The following TMDD1 variants were observed in gnomAD, a reference collection of about 807,000 sequenced individuals.
The protein encoded by TMDD1 is transmembrane and death domain protein 1.
In TMDD1 at chr12:51,814,061, C is replaced by T. The variant is rs1009409423; in HGVS notation, c.833G>A (p.Arg278His). The T allele has an allele frequency of 2.5e-6, 1 of 399,188 alleles. No homozygotes were observed. The highest frequency in any genetic ancestry group is 4.4e-6 in the Non-Finnish European group (1 of 226,714). The allele number at this position is 399,188 out of a possible 1,614,324, so 24.7% of individuals were successfully genotyped here. ...ETKLLLPKER[R>H]APPGAWAADG... ...TGCAGCCCAGGCCCCCGGGGGCGCGCGCCGCTCTTTAGGAAGGAGCAGCTT... is the reference window on the plus strand; with the variant it reads ...TGCAGCCCAGGCCCCCGGGGGCGCGTGCCGCTCTTTAGGAAGGAGCAGCTT... Residue 278 changes from arginine (R) to histidine (H), a missense_variant, in exon 1 of 1, where the codon CGC becomes CAC. By Grantham distance (29) the Arg-to-His change is conservative. Coordinates refer to ENST00000642069, the MANE Select transcript of TMDD1 (RefSeq NM_001386737.1).
Position 51,814,235 on chromosome 12 carries a change from G to T in TMDD1, c.659C>A (p.Ala220Glu). 1 of 396,394 alleles carries T rather than the reference G, an allele frequency of 2.5e-6. No individual in the cohort carries two copies. The highest frequency in any genetic ancestry group is 4.5e-6 in the Non-Finnish European group (1 of 224,656). 24.6% of individuals were successfully genotyped at this position (396,394 alleles called of 1,614,324 possible). ...RSPMGWAGPL[A>E]LGLLTGFVGA... Reference sequence around the variant, plus strand: ...CACGAAGCCGGTGAGGAGGCCGAGCGCCAGCGGCCCCGCCCAACCCATGGG... The same window carrying T: ...CACGAAGCCGGTGAGGAGGCCGAGCTCCAGCGGCCCCGCCCAACCCATGGG... Residue 220 changes from alanine (A) to glutamate (E), a missense_variant, in exon 1 of 1, where the codon GCG becomes GAG. Physicochemically the swap from Ala to Glu is moderately radical, Grantham distance 107. Coordinates refer to ENST00000642069, the MANE Select transcript of TMDD1 (RefSeq NM_001386737.1).
rs2138960579 is a variant in TMDD1, at chr12:51,814,706, A to G, written c.188T>C (p.Leu63Ser). 2.5e-6 allele frequency: 1 copy of G among 398,154 alleles called. No individual in the cohort carries two copies. The highest frequency in any genetic ancestry group is 3.6e-5 in the East Asian group (1 of 28,042). 24.7% of individuals were successfully genotyped at this position (398,154 alleles called of 1,614,324 possible). A position where few individuals can be genotyped will look rare whatever the true frequency, so the allele number is the denominator to read the frequency against. ...CAGCCGGTCTTCAGAAAGCCGGGACAACTCGGCCTCCACGTCGGGCTCGGG... is the reference window on the plus strand; with the variant it reads ...CAGCCGGTCTTCAGAAAGCCGGGACGACTCGGCCTCCACGTCGGGCTCGGG... ...EAPEPDVEAELSRLSEDRLAR... is the reference protein window; with the variant it reads ...EAPEPDVEAESSRLSEDRLAR... Residue 63 changes from leucine to serine, a missense_variant, in exon 1 of 1, where the codon TTG (leucine) becomes TCG (serine). Transcript: ENST00000642069.
rs561435330 is a variant in TMDD1, at chr12:51,814,218, C to T, written c.676G>A (p.Gly226Ser). 1.7e-4 allele frequency: 68 copies of T among 397,200 alleles called. No homozygotes were observed. The highest frequency in any genetic ancestry group is 1.1e-3 in the African/African-American group (52 of 48,666). The allele number at this position is 397,200 out of a possible 1,614,324, so 24.6% of individuals were successfully genotyped here. ...AGPLALGLLT[G>S]FVGALGTGAL... Reference sequence around the variant, plus strand: ...CCGGTGCCCAGCGCCCCCACGAAGCCGGTGAGGAGGCCGAGCGCCAGCGGC... The same window carrying T: ...CCGGTGCCCAGCGCCCCCACGAAGCTGGTGAGGAGGCCGAGCGCCAGCGGC... The change falls in exon 1 of 1, where the codon GGC becomes AGC. Residue 226 changes from glycine (G) to serine (S), a missense_variant. Gly to Ser is a moderately conservative substitution (Grantham distance 56). Transcript: ENST00000642069.
chr12:51,814,051 CG>C lies in TMDD1; in HGVS notation c.842del (p.Pro281ArgfsTer40). 5.0e-6 allele frequency: 2 copies of C among 399,852 alleles called. No individual in the cohort carries two copies. Among genetic ancestry groups the C allele is most frequent in the Non-Finnish European group, 8.8e-6 (2 of 227,074 alleles). 24.8% of individuals were successfully genotyped at this position (399,852 alleles called of 1,614,324 possible). On this transcript the variant is annotated frameshift_variant, in exon 1 of 1. Transcript: ENST00000642069. LOFTEE classifies it low-confidence loss of function (END_TRUNC). ...CTGGCCCATCTGCAGCCCAGGCCCC[CG>C]GGGGCGCGCGCCGCTCTTTAGGAAG... ...LLLPKERRAP[P>X]GAWAADGPDS...
rs1344738335 is a variant in TMDD1, at chr12:51,814,344, G to C, written c.550C>G (p.Arg184Gly). The C allele has an allele frequency of 2.7e-6, 1 of 371,360 alleles. No homozygotes were observed. Among genetic ancestry groups the C allele is most frequent in the Non-Finnish European group, 4.8e-6 (1 of 208,974 alleles). The allele number at this position is 371,360 out of a possible 1,614,324, so 23.0% of individuals were successfully genotyped here. The change falls in exon 1 of 1, where the codon CGG becomes GGG. Residue 184 changes from arginine to glycine, a missense_variant. Physicochemically the swap from Arg to Gly is moderately radical, Grantham distance 125 (BLOSUM62 -2). Coordinates refer to ENST00000642069, the MANE Select transcript of TMDD1 (RefSeq NM_001386737.1). ...RVPFAPAPRP[R>G]RAAVPAPDWD... ...TCCGGCGCGGGGACCGCGGCGCGCC[G>C]GGGGCGCGGGGCCGGGGCAAAGGGC...
rs2138960342 is a variant in TMDD1, at chr12:51,814,540, C to T, written c.354G>A (p.Leu118=). Residue 118 remains leucine, a synonymous_variant, in exon 1 of 1, where the codon CTG becomes CTA. Coordinates refer to ENST00000642069, the MANE Select transcript of TMDD1 (RefSeq NM_001386737.1). ...DGCREALAAW[L]APQAASLSWD... ...AGGACAGGGACGCGGCCTGGGGGGC[C>T]AGCCAGGCCGCCAGCGCCTCCCGGC... is the stretch of plus-strand genomic sequence containing the variant. The T allele has an allele frequency of 2.5e-6, 1 of 392,868 alleles. No homozygotes were observed. Among genetic ancestry groups the T allele is most frequent in the Middle Eastern group, 6.4e-4 (1 of 1,562 alleles). 24.3% of individuals were successfully genotyped at this position (392,868 alleles called of 1,614,324 possible).
At position 51,813,946 on chromosome 12, in the gene TMDD1, A is replaced by G; in HGVS notation, c.948T>C (p.Gly316=). 2.5e-6 allele frequency: 1 copy of G among 396,468 alleles called. No homozygotes were observed. The highest frequency in any genetic ancestry group is 4.4e-6 in the Non-Finnish European group (1 of 225,960). 24.6% of individuals were successfully genotyped at this position (396,468 alleles called of 1,614,324 possible). Residue 316 remains glycine, a synonymous_variant, in exon 1 of 1, where the codon GGT becomes GGC. Transcript: ENST00000642069. ...TTTCGGTATTTCTTAACGTTTATAA[A>G]CCGTCCAAAGCACCACTGCCCCAAG... The part of the protein sequence containing the change: ...AQSWGSGALD[G]L
In TMDD1 at chr12:51,814,048, C is replaced by G; in HGVS notation, c.846G>C (p.Gly282=). 2.5e-6 allele frequency: 1 copy of G among 399,934 alleles called. No individual in the cohort carries two copies. 24.8% of individuals were successfully genotyped at this position (399,934 alleles called of 1,614,324 possible). A position where few individuals can be genotyped will look rare whatever the true frequency, so the allele number is the denominator to read the frequency against. ...AATCTGGCCCATCTGCAGCCCAGGCCCCCGGGGGCGCGCGCCGCTCTTTAG... is the reference window on the plus strand; with the variant it reads ...AATCTGGCCCATCTGCAGCCCAGGCGCCCGGGGGCGCGCGCCGCTCTTTAG... ...LLPKERRAPP[G]AWAADGPDSP... Residue 282 remains glycine, a synonymous_variant, in exon 1 of 1, where the codon GGG becomes GGC. Coordinates refer to ENST00000642069, the MANE Select transcript of TMDD1 (RefSeq NM_001386737.1).
At position 51,813,992 on chromosome 12, in the gene TMDD1, CT is replaced by C. The variant is rs1939007746; in HGVS notation, c.901del (p.Ser301AlafsTer20). The C allele has an allele frequency of 2.5e-6, 1 of 398,854 alleles. No homozygotes were observed. The highest frequency in any genetic ancestry group is 2.1e-5 in the African/African-American group (1 of 48,642). The allele number at this position is 398,854 out of a possible 1,614,324, so 24.7% of individuals were successfully genotyped here. A position where few individuals can be genotyped will look rare whatever the true frequency, so the allele number is the denominator to read the frequency against. On this transcript the variant is annotated frameshift_variant, in exon 1 of 1. Transcript: ENST00000642069. LOFTEE classifies it low-confidence loss of function (END_TRUNC). ...CCAAGACTGTGCTCCCATTTTACAG[CT>C]GAGGGCAAGGGCACTGTGAGGTGAG... ...SPSPHSALAL[S>X]CKMGAQSWGS... is the part of the protein sequence containing the mutation.
chr12:51,814,414 C>T lies in TMDD1; in HGVS notation c.480G>A (p.Lys160=). Reference sequence around the variant, plus strand: ...GCCGCGGCAGGAAGCGCTGCCCGAACTTGCGCAGCTGCAGCGTCGCCTGCT... The same window carrying T: ...GCCGCGGCAGGAAGCGCTGCCCGAATTTGCGCAGCTGCAGCGTCGCCTGCT... ...LHQQATLQLR[K]FGQRFLPRPG... The change falls in exon 1 of 1, where the codon AAG becomes AAA. Residue 160 remains lysine (K), a synonymous_variant. Coordinates refer to ENST00000642069, the MANE Select transcript of TMDD1 (RefSeq NM_001386737.1). 1 of 369,842 alleles carries T rather than the reference C, an allele frequency of 2.7e-6. No individual in the cohort carries two copies. Among genetic ancestry groups the T allele is most frequent in the East Asian group, 3.9e-5 (1 of 25,450 alleles). 22.9% of individuals were successfully genotyped at this position (369,842 alleles called of 1,614,324 possible).
Position 51,814,133 on chromosome 12 carries a change from G to C in TMDD1, c.761C>G (p.Pro254Arg). The C allele has an allele frequency of 3.0e-6, 1 of 332,222 alleles. No individual in the cohort carries two copies. Among genetic ancestry groups the C allele is most frequent in the Non-Finnish European group, 5.0e-6 (1 of 199,892 alleles). The allele number at this position is 332,222 out of a possible 1,614,324, so 20.6% of individuals were successfully genotyped here. A position where few individuals can be genotyped will look rare whatever the true frequency, so the allele number is the denominator to read the frequency against. Residue 254 changes from proline to arginine, a missense_variant, in exon 1 of 1, where the codon CCC (proline) becomes CGC (arginine). Transcript: ENST00000642069. ...TGTGGCGAGCGGGCCGGGGCTGCCG[G>C]GCGACGCCCGGTCGCCGTCGCCGCC... ...ITGGDGDRAS[P>R]GSPGPLATVQ...
Position 51,814,615 on chromosome 12 carries a change from GGCCGCCTCTC to G in TMDD1, c.269_278del (p.Arg90ProfsTer8), listed in dbSNP as rs1939022269. 1 of 397,840 alleles carries G rather than the reference GGCCGCCTCTC, an allele frequency of 2.5e-6. No individual in the cohort carries two copies. The highest frequency in any genetic ancestry group is 6.3e-4 in the Middle Eastern group (1 of 1,586). 24.6% of individuals were successfully genotyped at this position (397,840 alleles called of 1,614,324 possible). On this transcript the variant is annotated frameshift_variant, in exon 1 of 1. Coordinates refer to ENST00000642069, the MANE Select transcript of TMDD1 (RefSeq NM_001386737.1). LOFTEE classifies it low-confidence loss of function (END_TRUNC). ...CGGCTACCCTGCCCGCCGGGTCCTC[GGCCGCCTCTC>G]GCCGCCGCCGCCGGCTCGGAGACCC...
chr12:51,814,283 G>A lies in TMDD1; in HGVS notation c.611C>T (p.Pro204Leu), dbSNP rs1280401064. 1.0e-5 allele frequency: 4 copies of A among 393,788 alleles called. No homozygotes were observed. The highest frequency in any genetic ancestry group is 1.3e-5 in the Non-Finnish European group (3 of 222,996). The allele number at this position is 393,788 out of a possible 1,614,324, so 24.4% of individuals were successfully genotyped here. A position where few individuals can be genotyped will look rare whatever the true frequency, so the allele number is the denominator to read the frequency against. Residue 204 changes from proline to leucine, a missense_variant, in exon 1 of 1, where the codon CCG becomes CTG. By Grantham distance (98) the Pro-to-Leu change is moderately conservative. Transcript: ENST00000642069. The part of the protein sequence containing the change: ...DALQLIVERL[P>L]QPLYERSPMG... Reference sequence around the variant, plus strand: ...GGGGCTCCGCTCGTACAGGGGCTGCGGCAGGCGCTCCACGATCAGCTGCAG... The same window carrying A: ...GGGGCTCCGCTCGTACAGGGGCTGCAGCAGGCGCTCCACGATCAGCTGCAG...
Position 51,814,356 on chromosome 12 carries a change from C to T in TMDD1, c.538G>A (p.Ala180Thr). Residue 180 changes from alanine (A) to threonine (T), a missense_variant, in exon 1 of 1, where the codon GCC becomes ACC. By Grantham distance (58) the Ala-to-Thr change is moderately conservative (BLOSUM62 0). Transcript: ENST00000642069. ...ACCGCGGCGCGCCGGGGGCGCGGGG[C>T]CGGGGCAAAGGGCACGCGGGCGGCG... ...GAAARVPFAP[A>T]PRPRRAAVPA... 1 of 367,474 alleles carries T rather than the reference C, an allele frequency of 2.7e-6. No homozygotes were observed. Among genetic ancestry groups the T allele is most frequent in the African/African-American group, 2.1e-5 (1 of 47,332 alleles). 22.8% of individuals were successfully genotyped at this position (367,474 alleles called of 1,614,324 possible).
chr12:51,814,045 G>A lies in TMDD1; in HGVS notation c.849C>T (p.Ala283=). Residue 283 remains alanine, a synonymous_variant, in exon 1 of 1, where the codon GCC becomes GCT. Coordinates refer to ENST00000642069, the MANE Select transcript of TMDD1 (RefSeq NM_001386737.1). The part of the protein sequence containing the change: ...LPKERRAPPG[A]WAADGPDSPS... ...GAGAATCTGGCCCATCTGCAGCCCA[G>A]GCCCCCGGGGGCGCGCGCCGCTCTT... 1 of 399,952 alleles carries A rather than the reference G, an allele frequency of 2.5e-6. No individual in the cohort carries two copies. The highest frequency in any genetic ancestry group is 3.6e-5 in the East Asian group (1 of 28,100). The allele number at this position is 399,952 out of a possible 1,614,324, so 24.8% of individuals were successfully genotyped here.
chr12:51,814,699 C>T lies in TMDD1; in HGVS notation c.195G>A (p.Arg65=), dbSNP rs1226408418. ...GCCGCGCCAGCCGGTCTTCAGAAAG[C>T]CGGGACAACTCGGCCTCCACGTCGG... is the stretch of plus-strand genomic sequence containing the variant. The part of the protein sequence containing the change: ...PEPDVEAELS[R]LSEDRLARPE... The change falls in exon 1 of 1, where the codon CGG becomes CGA. Residue 65 remains arginine, a synonymous_variant. Coordinates refer to ENST00000642069, the MANE Select transcript of TMDD1 (RefSeq NM_001386737.1). 1 of 398,178 alleles carries T rather than the reference C, an allele frequency of 2.5e-6. No individual in the cohort carries two copies. Among genetic ancestry groups the T allele is most frequent in the Non-Finnish European group, 4.4e-6 (1 of 225,718 alleles). The allele number at this position is 398,178 out of a possible 1,614,324, so 24.7% of individuals were successfully genotyped here.
In TMDD1 at chr12:51,814,255, C is replaced by T. The variant is rs1939013991; in HGVS notation, c.639G>A (p.Met213Ile). ...LPQPLYERSPMGWAGPLALGL... is the reference protein window; with the variant it reads ...LPQPLYERSPIGWAGPLALGL... The stretch of plus-strand genomic sequence containing the variant: ...CGAGCGCCAGCGGCCCCGCCCAACC[C>T]ATGGGGCTCCGCTCGTACAGGGGCT... The change falls in exon 1 of 1, where the codon ATG (methionine) becomes ATA (isoleucine). Residue 213 changes from methionine (M) to isoleucine (I), a missense_variant. Physicochemically the swap from Met to Ile is conservative, Grantham distance 10. Transcript: ENST00000642069. 2.5e-6 allele frequency: 1 copy of T among 395,562 alleles called. No individual in the cohort carries two copies. Among genetic ancestry groups the T allele is most frequent in the Non-Finnish European group, 4.5e-6 (1 of 224,098 alleles). The allele number at this position is 395,562 out of a possible 1,614,324, so 24.5% of individuals were successfully genotyped here. A position where few individuals can be genotyped will look rare whatever the true frequency, so the allele number is the denominator to read the frequency against.
Position 51,814,618 on chromosome 12 carries a change from C to A in TMDD1, c.276G>T (p.Ala92=), listed in dbSNP as rs1939022311. 5 of 397,716 alleles carry A rather than the reference C, an allele frequency of 1.3e-5. No individual in the cohort carries two copies. Among genetic ancestry groups the A allele is most frequent in the Non-Finnish European group, 1.3e-5 (3 of 225,634 alleles). 24.6% of individuals were successfully genotyped at this position (397,716 alleles called of 1,614,324 possible). Residue 92 remains alanine (A), a synonymous_variant, in exon 1 of 1, where the codon GCG becomes GCT. Transcript: ENST00000642069. ...CTACCCTGCCCGCCGGGTCCTCGGCCGCCTCTCGCCGCCGCCGCCGGCTCG... is the reference window on the plus strand; with the variant it reads ...CTACCCTGCCCGCCGGGTCCTCGGCAGCCTCTCGCCGCCGCCGCCGGCTCG... ...GSPSRRRRRE[A]AEDPAGRVAG...
rs1592180369 is a variant in TMDD1, at chr12:51,814,414, C to A, written c.480G>T (p.Lys160Asn). Reference sequence around the variant, plus strand: ...GCCGCGGCAGGAAGCGCTGCCCGAACTTGCGCAGCTGCAGCGTCGCCTGCT... The same window carrying A: ...GCCGCGGCAGGAAGCGCTGCCCGAAATTGCGCAGCTGCAGCGTCGCCTGCT... ...LHQQATLQLRKFGQRFLPRPG... is the reference protein window; with the variant it reads ...LHQQATLQLRNFGQRFLPRPG... The change falls in exon 1 of 1, where the codon AAG (lysine) becomes AAT (asparagine). Residue 160 changes from lysine (K) to asparagine (N), a missense_variant. Lys to Asn is a moderately conservative substitution (Grantham distance 94). Transcript: ENST00000642069. The A allele has an allele frequency of 5.4e-6, 2 of 369,842 alleles. No individual in the cohort carries two copies. Among genetic ancestry groups the A allele is most frequent in the Non-Finnish European group, 4.8e-6 (1 of 207,484 alleles). 22.9% of individuals were successfully genotyped at this position (369,842 alleles called of 1,614,324 possible).
Sources: gnomAD v4.1 joint callset for allele counts on GRCh38, gnomAD v4.1.1 for gene constraint, MANE v1.5 for transcripts, NCBI Gene and HGNC (gene_info 2026-07-23, HGNC 2026-07-21) for gene names.